YBEY: variants seen among roughly 807,000 people sequenced by gnomAD.
YBEY encodes endoribonuclease YbeY.
A neutral mutation model predicts 13.5 loss-of-function variants in YBEY; 15 were observed. The observed-to-expected ratio is 1.11, with a 90% CI of 0.75 to 1.72. YBEY has a LOEUF of 1.72. Among genes scored for constraint, YBEY ranks in the 40% most tolerant of loss-of-function variants. The probability of loss-of-function intolerance (pLI) is 0.00; values close to 1 mark genes in which losing one functional copy is unlikely to be tolerated. For missense variants in YBEY, 244 were observed against 208.4 expected (o/e 1.17, Z -1.05); for synonymous variants, 101 against 83.1 (o/e 1.21, Z -1.17).
chr21:46,301,097 T>TA, downstream of YBEY: 1 of 1,010,442 alleles, frequency 9.9e-7, no homozygotes, highest in Non-Finnish European at 1.2e-6. Flanking sequence ...TTTTTTTTTT[T>TA]ATTAACTCAA....
chr21:46,311,578 C>T, the YBEY span: 15 of 1,557,180 alleles, frequency 9.6e-6, no homozygotes, highest in East Asian at 3.4e-4. Flanking sequence ...CTAGGAACAG[C>T]CAGGTGATTA....
downstream of YBEY, chr21:46,300,982 G>A (rs1007489572): frequency 1.3e-6 from 1 of 780,226 alleles, no homozygotes; most frequent in African/African-American, 1.8e-5. Context: ...TGAGGGGAGT[G>A]AGCCGCCCTT....
chr21:46,306,053 T>C, the YBEY span, among the ~76,000 whole-genome samples: 1 of 137,590 alleles, frequency 7.3e-6, no homozygotes. Flanking sequence ...TTAGGTGATA[T>C]AGCAACACTG....
downstream of YBEY, chr21:46,300,699 C>G: frequency 5.4e-6 from 7 of 1,284,892 alleles, no homozygotes; most frequent in Non-Finnish European, 7.1e-6. Flanking sequence ...TGGCAACTCT[C>G]TGGTCATCCT....
downstream of YBEY, chr21:46,302,389 G>A: frequency 1.8e-6 from 2 of 1,112,232 alleles, no homozygotes; most frequent in Non-Finnish European, 2.6e-6. Flanking sequence ...AGCCAGGAAT[G>A]CCCTTTCAGA....
chr21:46,313,019 T>C, the YBEY span: 6 of 985,468 alleles, frequency 6.1e-6, no homozygotes, highest in Non-Finnish European at 7.2e-6. Flanking sequence ...TGAGGCTGCC[T>C]GGCCTTGTCC....
At chr21:46,301,445 C>G, downstream of YBEY, 4 of 976,964 alleles carry the variant, frequency 4.1e-6, no homozygotes, top group Non-Finnish European at 4.9e-6. Context: ...TGCACCCCTA[C>G]TTCTTTAGTG....
chr21:46,302,476 T>C (rs1171895085), downstream of YBEY: 1 of 1,595,506 alleles, frequency 6.3e-7, no homozygotes. Flanking sequence ...TGCTGGGGGC[T>C]AAGCCTACCT....
the YBEY span, among the ~76,000 whole-genome samples, chr21:46,307,457 C>T: frequency 1.3e-5 from 2 of 152,318 alleles, no homozygotes; most frequent in African/African-American, 2.4e-5. Flanking sequence ...CCCACACACA[C>T]ACCCCTACCT....
chr21:46,302,260 G>A, downstream of YBEY: 3 of 1,425,846 alleles, frequency 2.1e-6, no homozygotes, highest in Non-Finnish European at 9.2e-7. Flanking sequence ...AGGCAGGATG[G>A]CAGGGTCTAA....
downstream of YBEY, among the ~76,000 whole-genome samples, chr21:46,298,596 A>AT (rs1325648236): frequency 6.6e-6 from 1 of 150,582 alleles, no homozygotes; most frequent in Non-Finnish European, 1.5e-5. Flanking sequence ...CGCCCGGCTA[A>AT]TTTTTTGTAT....
At chr21:46,291,687 C>A in intron 3 of YBEY, 1 of 1,308,716 alleles carries the variant, frequency 7.6e-7, no homozygotes, top group Non-Finnish European at 9.7e-7. Flanking sequence ...CACAGAAGCT[C>A]CCAGAGAAGC....
the YBEY span, among the ~76,000 whole-genome samples, chr21:46,310,508 A>T: frequency 6.9e-6 from 1 of 145,154 alleles, no homozygotes; most frequent in Non-Finnish European, 1.6e-5. Context: ...AAAAAAAAAA[A>T]ACAAAACTTG....
chr21:46,291,779 C>T, intron 3 of YBEY: 1 of 1,090,768 alleles, frequency 9.2e-7, no homozygotes, highest in Admixed American at 5.1e-5. Flanking sequence ...TCTGAGCTGC[C>T]AGAAGTACAG....
chr21:46,291,019 G>GAAA (rs1232426831), intron 2 of YBEY, among the ~76,000 whole-genome samples: 9 of 129,986 alleles, frequency 6.9e-5, no homozygotes, highest in Non-Finnish European at 8.0e-5. Context: ...TCTGTCTCAG[G>GAAA]AAAAAAAAAA....
downstream of YBEY, among the ~76,000 whole-genome samples, chr21:46,298,101 C>G (rs1034366130): frequency 1.3e-5 from 2 of 152,372 alleles, no homozygotes; most frequent in Admixed American, 6.5e-5. Context: ...CCGGGGCCTC[C>G]CGGCCACGGA....
the YBEY span, among the ~76,000 whole-genome samples, chr21:46,303,797 G>T: frequency 7.6e-6 from 1 of 130,752 alleles, no homozygotes; most frequent in Non-Finnish European, 1.6e-5. Context: ...TGTCGCCGAG[G>T]CTGGAGTGCA....
the YBEY span, among the ~76,000 whole-genome samples, chr21:46,302,792 G>A: frequency 1.9e-5 from 1 of 53,190 alleles, no homozygotes; most frequent in African/African-American, 8.1e-5. Flanking sequence ...CCCTGAGCCC[G>A]TCTGCACACG....
chr21:46,308,522 G>T, the YBEY span, among the ~76,000 whole-genome samples: 1 of 152,254 alleles, frequency 6.6e-6, no homozygotes, highest in South Asian at 2.1e-4. Flanking sequence ...TTACCCAAGA[G>T]AAATGAAAGC....
Sources: allele counts gnomAD v4.1 joint callset (sites outside exome capture counted in the v4.1 genomes callset), GRCh38; gene constraint gnomAD v4.1.1; transcripts MANE v1.5; gene names NCBI Gene and HGNC (gene_info 2026-07-23, HGNC 2026-07-21).